The following DISC1 variants were observed in gnomAD, a reference collection of about 807,000 sequenced individuals.
The protein encoded by DISC1 is disrupted in schizophrenia 1 protein.
A neutral mutation model predicts 84.5 loss-of-function variants in DISC1; 57 were observed. That is an observed-to-expected ratio of 0.67 (90% CI 0.55 to 0.84). The LOEUF (loss-of-function observed/expected upper bound fraction) is 0.84, where lower values mean the gene tolerates loss of function less well. Among genes scored for constraint, DISC1 ranks in the 40% least tolerant of loss-of-function variants. The pLI, the probability that DISC1 is intolerant of heterozygous loss-of-function variation, is 0.00. For missense variants in DISC1, 1,000 were observed against 1,057.8 expected, an observed-to-expected ratio of 0.95 and a Z score of 0.76; for synonymous variants, 411 against 415.2, an observed-to-expected ratio of 0.99 and a Z score of 0.12.
At chr1:231,955,779 C>T (rs1030408100) in intron 9 of DISC1, among the ~76,000 whole-genome samples, 3 of 152,044 alleles carry the variant, frequency 2.0e-5, no homozygotes, top group Non-Finnish European at 4.4e-5. Flanking sequence ...TGTGAGCTAC[C>T]GCACCCAGCC....
At chr1:231,903,019 C>T (rs1269311070) in intron 9 of DISC1, among the ~76,000 whole-genome samples, 3 of 151,780 alleles carry the variant, frequency 2.0e-5, no homozygotes, top group Admixed American at 6.6e-5. Context: ...TTCTCCTTCT[C>T]CTCTCTCTTC....
rs561589922 is a variant in DISC1 at position 231,826,301 on chromosome 1, T to C, written c.1981+7784T>C. 2.6e-5 allele frequency among the ~76,000 whole-genome samples: 4 copies of C among 152,352 alleles called. No individual in the cohort carries two copies. The South Asian group carries it at 8.3e-4, about 32-fold the overall frequency. On this transcript the variant is annotated intron_variant, in intron 9 of 12. Coordinates refer to ENST00000439617, the MANE Select transcript of DISC1 (RefSeq NM_018662.3). The surrounding 1 kb of genome is among the most constrained non-coding windows in gnomAD (Gnocchi z 4.2). ...TTATGTTCTTTATGAATTTGATTCC[T>C]AACGTCAGTCTCTCTATCCATCCCG...
intron 6 of DISC1, among the ~76,000 whole-genome samples, chr1:231,793,154 A>C (rs912652131): frequency 1.3e-5 from 2 of 152,224 alleles, no homozygotes; most frequent in Non-Finnish European, 2.9e-5. Flanking sequence ...TGAAGAACAA[A>C]CAAACAAAAA....
At chr1:231,857,669 G>T (rs2084364492) in intron 9 of DISC1, among the ~76,000 whole-genome samples, 1 of 152,180 alleles carries the variant, frequency 6.6e-6, no homozygotes, top group African/African-American at 2.4e-5. Context: ...TTGTTTGTTT[G>T]TTACAGAGAA....
chr1:231,664,911 A>AG (rs1465230420), intron 1 of DISC1, among the ~76,000 whole-genome samples: 1 of 152,072 alleles, frequency 6.6e-6, no homozygotes, highest in African/African-American at 2.4e-5. Flanking sequence ...TATAAAAAAA[A>AG]AATAAGAAAA....
chr1:232,020,821 C>G (rs1346868186), intron 11 of DISC1, among the ~76,000 whole-genome samples: 2 of 152,112 alleles, frequency 1.3e-5, no homozygotes, highest in South Asian at 2.1e-4. Flanking sequence ...GCAAATAAAA[C>G]AGATAAAATT....
In DISC1 at chr1:231,800,202, C is replaced by T; in HGVS notation, c.1784C>T (p.Ala595Val). The T allele has an allele frequency of 1.2e-6, 2 of 1,611,112 alleles. No individual in the cohort carries two copies. The highest frequency in any genetic ancestry group is 1.1e-5 in the South Asian group (1 of 91,034). The change falls in exon 8 of 13, where the codon GCC (alanine) becomes GTC (valine). Residue 595 changes from alanine (A) to valine (V), a missense_variant. Ala to Val is a moderately conservative substitution (Grantham distance 64). This residue lies in a region of DISC1 where 397 missense variants were observed against 377.5 expected (regional missense o/e 1.05). Transcript: ENST00000439617. ...LPALLEAKMH[A>V]ISGNHFWTAK... ...GCCTTGCTTGAAGCCAAAATGCATG[C>T]CATATCAGGTAACTGGCAGTGTAGG...
At chr1:231,681,405 TTGTG>T (rs562016510) in intron 1 of DISC1, among the ~76,000 whole-genome samples, 8 of 148,818 alleles carry the variant, frequency 5.4e-5, no homozygotes, top group East Asian at 2.0e-4. Context: ...TCGTGTGTGT[TTGTG>T]TGTGTGTGTG....
intron 1 of DISC1, among the ~76,000 whole-genome samples, chr1:231,671,435 C>A (rs1181422357): frequency 1.3e-5 from 2 of 152,090 alleles, no homozygotes; most frequent in Non-Finnish European, 2.9e-5. Context: ...GAGCAGAACA[C>A]CCAGGCAGGC....
In DISC1 at chr1:231,650,662, A is replaced by C. The variant is rs183574850; in HGVS notation, c.67+23728A>C. Among the ~76,000 whole-genome samples the C allele has an allele frequency of 3.3e-4, 51 of 152,302 alleles. 1 individual carries two copies. The East Asian group carries it at 9.6e-3, about 29-fold the overall frequency. ...GATAGTATCCTGCAGAGTGTTTTCC[A>C]ACTTGGTTCCATTCTCCCCGTCACT... On this transcript the variant is annotated intron_variant, in intron 1 of 12. Coordinates refer to ENST00000439617, the MANE Select transcript of DISC1 (RefSeq NM_018662.3).
intron 9 of DISC1, among the ~76,000 whole-genome samples, chr1:231,903,200 T>C (rs1017495109): frequency 2.0e-5 from 3 of 152,088 alleles, no homozygotes; most frequent in African/African-American, 7.2e-5. Context: ...GTGCTGGGGT[T>C]ACAGACATGA....
chr1:231,683,304 T>TA (rs1558320265), intron 1 of DISC1, among the ~76,000 whole-genome samples: 4 of 151,810 alleles, frequency 2.6e-5, no homozygotes, highest in Non-Finnish European at 5.9e-5. Context: ...CCTGACTGCC[T>TA]CCTAGAATCA....
rs1279021673 is a variant in DISC1, at chr1:231,763,429, G to A, written c.1269-3711G>A. On this transcript the variant is annotated intron_variant, in intron 4 of 12. Coordinates refer to ENST00000439617, the MANE Select transcript of DISC1 (RefSeq NM_018662.3). Reference sequence around the variant, plus strand: ...TCTTGATGCTGCTATTTGCCTTTAAGCATATGAAACAAAGAATAGATTTCT... The same window carrying A: ...TCTTGATGCTGCTATTTGCCTTTAAACATATGAAACAAAGAATAGATTTCT... Among the ~76,000 whole-genome samples, 3 of 152,072 alleles carry A rather than the reference G, an allele frequency of 2.0e-5. No homozygotes were observed. In the East Asian group the frequency reaches 5.8e-4, roughly 29 times the overall value.
chr1:231,686,382 C>G (rs2064278611), intron 1 of DISC1, among the ~76,000 whole-genome samples: 1 of 152,230 alleles, frequency 6.6e-6, no homozygotes, highest in South Asian at 2.1e-4. Flanking sequence ...GGTTCCCAAA[C>G]CCCAGTTCTT....
intron 1 of DISC1, among the ~76,000 whole-genome samples, chr1:231,643,234 T>G (rs979527523): frequency 1.9e-4 from 29 of 152,224 alleles, no homozygotes; most frequent in African/African-American, 7.0e-4. Flanking sequence ...AAGGAGCTTT[T>G]TGTTTCACTC....
At chr1:232,021,461 G>A (rs1668958773) in intron 11 of DISC1, among the ~76,000 whole-genome samples, 1 of 152,106 alleles carries the variant, frequency 6.6e-6, no homozygotes, top group Non-Finnish European at 1.5e-5. Context: ...AGTGGCAGTG[G>A]TCACTTGTTG....
intron 8 of DISC1, among the ~76,000 whole-genome samples, chr1:231,803,384 C>T (rs1263202938): frequency 6.6e-6 from 1 of 152,186 alleles, no homozygotes; most frequent in Non-Finnish European, 1.5e-5. Context: ...AAACCTTTAT[C>T]TCTCACAGTC....
chr1:231,809,152 T>G (rs993555683), intron 8 of DISC1, among the ~76,000 whole-genome samples: 4 of 152,198 alleles, frequency 2.6e-5, no homozygotes, highest in Non-Finnish European at 4.4e-5. Flanking sequence ...TCTCTCAGTT[T>G]TTATCTCTCG....
At chr1:231,697,584 C>A (rs371624468) in intron 2 of DISC1, among the ~76,000 whole-genome samples, 1 of 150,512 alleles carries the variant, frequency 6.6e-6, no homozygotes, top group African/African-American at 2.4e-5. Context: ...GGACTACAGG[C>A]GCATGCCACC....
Sources: gnomAD v4.1 joint callset for allele counts (sites outside exome capture counted in the v4.1 genomes callset) on GRCh38, gnomAD v4.1.1 for gene constraint, gnomAD v4.1.1 regional missense constraint, Gnocchi (gnomAD v3.1) non-coding constraint, MANE v1.5 for transcripts, NCBI Gene and HGNC (gene_info 2026-07-23, HGNC 2026-07-21) for gene names.